LAMC1: variants seen among roughly 807,000 people sequenced by gnomAD.
The protein encoded by LAMC1 is laminin subunit gamma 1.
Under a neutral mutation model 173.6 loss-of-function variants are expected in LAMC1, and 38 were observed. The observed-to-expected ratio is 0.22, with a 90% CI of 0.17 to 0.29. The LOEUF (loss-of-function observed/expected upper bound fraction) is 0.29, where lower values mean the gene tolerates loss of function less well. Among genes scored for constraint, LAMC1 ranks in the 10% least tolerant of loss-of-function variants. LAMC1 has a pLI of 1.00. For missense variants in LAMC1, 1,824 were observed against 2,051.8 expected (o/e 0.89, Z 2.14); for synonymous variants, 746 against 749.1 (o/e 1.00, Z 0.07).
Position 183,118,090 on chromosome 1 carries a change from AG to A in LAMC1, c.1935del (p.Lys646SerfsTer3), listed in dbSNP as rs1558053838. The A allele has an allele frequency of 6.2e-7, 1 of 1,613,674 alleles. No homozygotes were observed. On this transcript the variant is annotated frameshift_variant, in exon 11 of 28. Coordinates refer to ENST00000258341, the MANE Select transcript of LAMC1 (RefSeq NM_002293.4). LOFTEE classifies it high-confidence loss of function. ...CCTGCTCTTACCCCTTTTGAATTTC[AG>A]AAGCTCCTAAACAACTTGACCTCTA... The part of the protein sequence containing the change: ...WRPALTPFEF[Q>X]KLLNNLTSIK...
intron 1 of LAMC1, chr1:183,096,552 C>A (rs1468063857): frequency 6.6e-6 from 1 of 152,190 alleles, no homozygotes; most frequent in Non-Finnish European, 1.5e-5. Context: ...GTGCTTATTG[C>A]CTGTACTCAG....
Position 183,133,409 on chromosome 1 carries a change from T to C in LAMC1, c.3708T>C (p.Tyr1236=). ...AACCACATTATTTGTGTCTTAGGTA[T>C]GAACAAGCGAAGAACATCTCACAGG... The part of the protein sequence containing the change: ...AFEIEELNRK[Y]EQAKNISQDL... Residue 1236 remains tyrosine (Y), a synonymous_variant, in exon 22 of 28, where the codon TAT becomes TAC. Coordinates refer to ENST00000258341, the MANE Select transcript of LAMC1 (RefSeq NM_002293.4). The C allele has an allele frequency of 6.2e-7, 1 of 1,613,082 alleles. No individual in the cohort carries two copies.
intron 1 of LAMC1, among the ~76,000 whole-genome samples, chr1:183,037,714 TTCAA>T (rs1448564805): frequency 6.6e-6 from 1 of 152,138 alleles, no homozygotes; most frequent in African/African-American, 2.4e-5. Context: ...CGAGCTAAGG[TTCAA>T]TCAGAGGACT....
intron 1 of LAMC1, among the ~76,000 whole-genome samples, chr1:183,057,521 G>T (rs1238007465): frequency 6.6e-6 from 1 of 152,214 alleles, no homozygotes; most frequent in Non-Finnish European, 1.5e-5. Context: ...CGCATTTTGG[G>T]AGCCCGAGGT....
intron 1 of LAMC1, among the ~76,000 whole-genome samples, chr1:183,051,161 C>T (rs548025413): frequency 1.7e-4 from 26 of 152,316 alleles, no homozygotes; most frequent in African/African-American, 6.3e-4. Flanking sequence ...TGCTTTGACA[C>T]TCCTCCTTTT....
At chr1:183,130,265 C>A (rs1396018319) in intron 18 of LAMC1, 79 bp from the exon 19 acceptor site, 6 of 1,253,500 alleles carry the variant, frequency 4.8e-6, no homozygotes, top group Non-Finnish European at 6.9e-6. Flanking sequence ...AGTAGAGATA[C>A]ATAGGGCCTC....
chr1:183,091,279 G>A (rs1655560606), intron 1 of LAMC1, among the ~76,000 whole-genome samples: 1 of 152,114 alleles, frequency 6.6e-6, no homozygotes, highest in Admixed American at 6.5e-5. Flanking sequence ...TCTGTGAGAG[G>A]CCACTAAGTT....
chr1:183,119,397 AG>A (rs904073305), intron 11 of LAMC1, among the ~76,000 whole-genome samples: 1 of 152,192 alleles, frequency 6.6e-6, no homozygotes, highest in African/African-American at 2.4e-5. Flanking sequence ...TCTGGGGCTT[AG>A]GAAGAGATTA....
intron 5 of LAMC1, 53 bp downstream of exon 5, chr1:183,114,772 C>T (rs569629872): frequency 1.3e-4 from 205 of 1,551,714 alleles, no homozygotes; most frequent in Admixed American, 5.5e-4. Context: ...CGTGGACCCC[C>T]GGAAAGGAAA....
chr1:183,145,087 GA>G lies in LAMC1; in HGVS notation c.*2299del, dbSNP rs1185948191. 6.6e-6 allele frequency: 1 copy of G among 152,176 alleles called. No homozygotes were observed. The highest frequency in any genetic ancestry group is 6.5e-5 in the Admixed American group (1 of 15,284). The allele number at this position is 152,176 out of a possible 1,614,324, so 9.4% of individuals were successfully genotyped here. ...TTGGTCAAGGTTGCAGAAGAGGACT[GA>G]AGATTGACTGCCAAGCTAGTTTGGG... On this transcript the variant is annotated 3_prime_UTR_variant, in exon 28 of 28. Transcript: ENST00000258341.
chr1:183,132,492 C>T lies in LAMC1; in HGVS notation c.3659C>T (p.Ala1220Val). The change falls in exon 21 of 28, where the codon GCA becomes GTA. Residue 1220 changes from alanine to valine, a missense_variant. Coordinates refer to ENST00000258341, the MANE Select transcript of LAMC1 (RefSeq NM_002293.4). Reference sequence around the variant, plus strand: ...TACAACCTGCTTCTGAGGACACTGGCAGGAGAAAATCAAACAGCATTTGAG... The same window carrying T: ...TACAACCTGCTTCTGAGGACACTGGTAGGAGAAAATCAAACAGCATTTGAG... ...EAYNLLLRTLAGENQTAFEIE... is the reference protein window; with the variant it reads ...EAYNLLLRTLVGENQTAFEIE... The T allele has an allele frequency of 6.2e-7, 1 of 1,613,680 alleles. No homozygotes were observed. The highest frequency in any genetic ancestry group is 8.5e-7 in the Non-Finnish European group (1 of 1,179,750).
chr1:183,088,301 A>C (rs74446350), intron 1 of LAMC1, among the ~76,000 whole-genome samples: 2 of 152,294 alleles, frequency 1.3e-5, no homozygotes, highest in Non-Finnish European at 2.9e-5. Flanking sequence ...ACTGTAAATA[A>C]ATATTTATTG....
At chr1:183,065,061 T>C (rs1486753304) in intron 1 of LAMC1, among the ~76,000 whole-genome samples, 1 of 152,118 alleles carries the variant, frequency 6.6e-6, no homozygotes, top group Non-Finnish European at 1.5e-5. Context: ...TTTTTTTTTT[T>C]CTTATCAGCA....
intron 1 of LAMC1, among the ~76,000 whole-genome samples, chr1:183,056,579 G>C (rs1213038948): frequency 6.6e-6 from 1 of 152,026 alleles, no homozygotes; most frequent in Non-Finnish European, 1.5e-5. Context: ...AATTTCTCCA[G>C]TAATACCTGT....
At chr1:183,039,383 TAAC>T (rs1395355038) in intron 1 of LAMC1, among the ~76,000 whole-genome samples, 1 of 152,194 alleles carries the variant, frequency 6.6e-6, no homozygotes, top group Non-Finnish European at 1.5e-5. Flanking sequence ...TGTCTTGGAT[TAAC>T]TTTCGGAGCA....
chr1:183,132,020 C>T (rs115773937), intron 20 of LAMC1, among the ~76,000 whole-genome samples: 1,686 of 152,194 alleles, frequency 0.011, 24 homozygotes, highest in South Asian at 0.047. Flanking sequence ...TAAAGTAGGC[C>T]GGGAGCAGTG....
chr1:183,023,763 G>C lies in LAMC1; in HGVS notation c.47G>C (p.Arg16Pro). 1 of 1,231,206 alleles carries C rather than the reference G, an allele frequency of 8.1e-7. No homozygotes were observed. The highest frequency in any genetic ancestry group is 1.0e-6 in the Non-Finnish European group (1 of 978,390). The allele number at this position is 1,231,206 out of a possible 1,614,324, so 76.3% of individuals were successfully genotyped here. The change falls in exon 1 of 28, where the codon CGG becomes CCG. Residue 16 changes from arginine (R) to proline (P), a missense_variant. By Grantham distance (103) the Arg-to-Pro change is moderately radical. Coordinates refer to ENST00000258341, the MANE Select transcript of LAMC1 (RefSeq NM_002293.4). ...GCGCCGGCCCTGCGGCCCCGGGGGC[G>C]GCTCTGGCCCGTGCTGGCCGTGCTG... ...RAAPALRPRG[R>P]LWPVLAVLAA...
At chr1:183,036,346 C>T (rs1653981348) in intron 1 of LAMC1, among the ~76,000 whole-genome samples, 2 of 151,040 alleles carry the variant, frequency 1.3e-5, no homozygotes, top group Admixed American at 1.3e-4. Flanking sequence ...GAGCCATCTG[C>T]CTTGGCCTCC....
At chr1:183,111,904 G>A (rs911688462) in intron 4 of LAMC1, among the ~76,000 whole-genome samples, 20 of 152,052 alleles carry the variant, frequency 1.3e-4, no homozygotes, top group African/African-American at 4.3e-4. Flanking sequence ...GTGTGGTGGT[G>A]CACGCCTGTA....
Sources: gnomAD v4.1 joint callset for allele counts (sites outside exome capture counted in the v4.1 genomes callset) on GRCh38, gnomAD v4.1.1 for gene constraint, MANE v1.5 for transcripts, NCBI Gene and HGNC (gene_info 2026-07-23, HGNC 2026-07-21) for gene names.